Variants in HTR2C observed in about 807,000 individuals in gnomAD.
The protein encoded by HTR2C is 5-hydroxytryptamine (serotonin) receptor 2C, G protein-coupled.
In HTR2C, 5 loss-of-function variants were observed where a neutral mutation model predicts 21.0. The observed-to-expected ratio is 0.24, with a 90% CI of 0.12 to 0.50. The LOEUF (loss-of-function observed/expected upper bound fraction) is 0.50, where lower values mean the gene tolerates loss of function less well. Ranked by LOEUF, HTR2C falls within the 20% of genes least tolerant of loss-of-function variation. HTR2C has a pLI of 0.98. For missense variants in HTR2C, 271 were observed against 371.2 expected (o/e 0.73, Z 2.22); for synonymous variants, 150 against 145.3 (o/e 1.03, Z -0.23).
chrX:114,647,796 A>G (rs1930417095), intron 2 of HTR2C, among the ~76,000 whole-genome samples: 1 of 111,815 alleles, frequency 8.9e-6, no homozygotes, highest in Admixed American at 9.5e-5. Flanking sequence ...TGACTATGAG[A>G]TGGCCAAGCA....
chrX:114,904,009 A>G (rs2147538992), intron 5 of HTR2C, among the ~76,000 whole-genome samples: 1 of 111,746 alleles, frequency 8.9e-6, no homozygotes, highest in Non-Finnish European at 1.9e-5. Context: ...TTGTCAGAAA[A>G]TGGCCTTCTT....
intron 4 of HTR2C, among the ~76,000 whole-genome samples, chrX:114,844,947 T>C (rs2070862756): frequency 9.0e-6 from 1 of 111,690 alleles, no homozygotes; most frequent in South Asian, 3.6e-4. Flanking sequence ...TTTTCAATAA[T>C]GGACAGAACA....
intron 2 of HTR2C, among the ~76,000 whole-genome samples, chrX:114,692,926 A>C (rs1437649719): frequency 9.0e-6 from 1 of 111,469 alleles, no homozygotes; most frequent in Non-Finnish European, 1.9e-5. Context: ...TTGGAGCATA[A>C]AAGCAGTATA....
intron 2 of HTR2C, among the ~76,000 whole-genome samples, chrX:114,634,749 T>G (rs1929775128): frequency 9.0e-6 from 1 of 110,910 alleles, no homozygotes; most frequent in Admixed American, 9.6e-5. Flanking sequence ...GAGGTAGAGG[T>G]TGCGGTGAGC....
chrX:114,736,921 A>G (rs1332770421), intron 4 of HTR2C, among the ~76,000 whole-genome samples: 5 of 111,862 alleles, frequency 4.5e-5, no homozygotes, highest in Non-Finnish European at 7.5e-5. Context: ...AAATTACCAA[A>G]TTTATTTTAA....
At chrX:114,880,578 T>C (rs1237963962) in intron 5 of HTR2C, among the ~76,000 whole-genome samples, 1 of 110,806 alleles carries the variant, frequency 9.0e-6, no homozygotes, top group Non-Finnish European at 1.9e-5. Flanking sequence ...ACCACCCTAC[T>C]TACCCAGAAC....
At chrX:114,612,164 TTTATA>T (rs1475190138) in intron 1 of HTR2C, among the ~76,000 whole-genome samples, 6 of 111,958 alleles carry the variant, frequency 5.4e-5, no homozygotes, top group South Asian at 3.7e-4. Flanking sequence ...TATTGAATAT[TTTATA>T]TTATACTTCA....
chrX:114,760,565 A>G (rs1271481824), intron 4 of HTR2C, among the ~76,000 whole-genome samples: 5 of 111,593 alleles, frequency 4.5e-5, no homozygotes, highest in Non-Finnish European at 7.5e-5. Context: ...CACCCAGGCT[A>G]GAGTGTGGTG....
chrX:114,834,804 T>C lies in HTR2C; in HGVS notation c.350-13199T>C, dbSNP rs1259586817. On this transcript the variant is annotated intron_variant, in intron 4 of 5. Transcript: ENST00000276198. ...TGATGCAGTTTCTTCCTAGTCTCGA[T>C]GGTCTTTACATTTTGGCATGATTTT... is the stretch of plus-strand genomic sequence containing the variant. 7.1e-4 allele frequency among the ~76,000 whole-genome samples: 78 copies of C among 109,300 alleles called. 1 individual carries two copies. Among genetic ancestry groups the C allele is most frequent in the African/African-American group, 2.5e-3 (74 of 29,924 alleles). The allele number at this position is 109,300 out of a possible 115,157, so 94.9% of individuals were successfully genotyped here. A position where few individuals can be genotyped will look rare whatever the true frequency, so the allele number is the denominator to read the frequency against.
chrX:114,890,105 T>C (rs1556482534), intron 5 of HTR2C, among the ~76,000 whole-genome samples: 1 of 112,110 alleles, frequency 8.9e-6, no homozygotes, highest in Admixed American at 9.5e-5. Context: ...AATTTCTTAG[T>C]ATGCAATTTC....
intron 4 of HTR2C, among the ~76,000 whole-genome samples, chrX:114,784,765 G>A (rs781959394): frequency 1.8e-5 from 2 of 109,299 alleles, no homozygotes; most frequent in East Asian, 2.9e-4. Flanking sequence ...GACTACAGGC[G>A]CCCGCCACCG....
chrX:114,633,104 G>A (rs1484800883), intron 2 of HTR2C, among the ~76,000 whole-genome samples: 6 of 110,978 alleles, frequency 5.4e-5, no homozygotes, highest in African/African-American at 2.0e-4. Context: ...AGAGGTCCAT[G>A]TGGATAGGTC....
chrX:114,703,857 TA>T (rs1316408096), intron 2 of HTR2C, among the ~76,000 whole-genome samples: 12 of 109,318 alleles, frequency 1.1e-4, no homozygotes, highest in African/African-American at 4.0e-4. Context: ...ATAGACGCAA[TA>T]AAAAATGATA....
At chrX:114,775,240 A>G in intron 4 of HTR2C, 1 of 522,049 alleles carries the variant, frequency 1.9e-6, no homozygotes, top group Admixed American at 2.3e-5. Flanking sequence ...TCCTTGCTCA[A>G]ACGGTGCTTG....
intron 1 of HTR2C, among the ~76,000 whole-genome samples, chrX:114,602,820 G>C (rs1261623360): frequency 1.3e-5 from 1 of 79,433 alleles, no homozygotes; most frequent in Non-Finnish European, 2.4e-5. Context: ...GCCAGTCCTG[G>C]GTGGGGCAAA....
chrX:114,613,165 CT>C (rs782038699), intron 1 of HTR2C, among the ~76,000 whole-genome samples: 1 of 110,729 alleles, frequency 9.0e-6, no homozygotes, highest in East Asian at 2.9e-4. Flanking sequence ...TCTTGAACCC[CT>C]GACCTCAAGT....
intron 2 of HTR2C, among the ~76,000 whole-genome samples, chrX:114,661,043 C>T (rs1004856802): frequency 6.2e-5 from 7 of 112,462 alleles, no homozygotes; most frequent in Admixed American, 1.9e-4. Context: ...CCTAAGCTTC[C>T]AGGCTAACTC....
chrX:114,658,966 C>A (rs1198924928), intron 2 of HTR2C, among the ~76,000 whole-genome samples: 6 of 111,504 alleles, frequency 5.4e-5, no homozygotes, highest in African/African-American at 2.0e-4. Flanking sequence ...AAACCCAAGA[C>A]TGGGTAATTT....
chrX:114,667,102 T>C (rs1556411006), intron 2 of HTR2C, among the ~76,000 whole-genome samples: 1 of 111,486 alleles, frequency 9.0e-6, no homozygotes, highest in Non-Finnish European at 1.9e-5. Context: ...AATATCACAT[T>C]CTAAGGACCT....
Sources: gnomAD v4.1 joint callset for allele counts (sites outside exome capture counted in the v4.1 genomes callset) on GRCh38, gnomAD v4.1.1 for gene constraint, MANE v1.5 for transcripts, NCBI Gene and HGNC (gene_info 2026-07-23, HGNC 2026-07-21) for gene names.